The following PIGZ variants were observed in gnomAD, a reference collection of about 807,000 sequenced individuals.
PIGZ encodes phosphatidylinositol glycan anchor biosynthesis class Z (Gwada blood group).
A neutral mutation model predicts 16.4 loss-of-function variants in PIGZ; 16 were observed. That is an observed-to-expected ratio of 0.97 (90% CI 0.66 to 1.48). The LOEUF (loss-of-function observed/expected upper bound fraction) is 1.48, where lower values mean the gene tolerates loss of function less well. PIGZ is among the 40% of genes most tolerant of loss of function. PIGZ has a pLI of 0.00. For synonymous variants in PIGZ, 409 were observed against 338.4 expected, an observed-to-expected ratio of 1.21 and a Z score of -2.29; for missense variants, 770 against 739.2, an observed-to-expected ratio of 1.04 and a Z score of -0.48.
At chr3:196,959,620 A>T (rs1278054309) in intron 1 of PIGZ, among the ~76,000 whole-genome samples, 1 of 152,172 alleles carries the variant, frequency 6.6e-6, no homozygotes, top group Non-Finnish European at 1.5e-5. Context: ...CCCTCCTTCT[A>T]CTACTACCTT....
intron 1 of PIGZ, among the ~76,000 whole-genome samples, chr3:196,956,234 A>G (rs947765574): frequency 1.3e-5 from 2 of 152,184 alleles, no homozygotes; most frequent in Non-Finnish European, 2.9e-5. Flanking sequence ...TGCTGCTGAT[A>G]AAGACATACC....
Position 196,947,613 on chromosome 3 carries a change from G to C in PIGZ, c.1284C>G (p.Gly428=). 6.2e-7 allele frequency: 1 copy of C among 1,613,456 alleles called. No individual in the cohort carries two copies. Among genetic ancestry groups the C allele is most frequent in the Non-Finnish European group, 8.5e-7 (1 of 1,179,658 alleles). ...LFNALGALLF[G]CLHQGGLVPG... is the part of the protein sequence containing the mutation. ...GCACCAGGCCCCCCTGATGCAGGCA[G>C]CCGAAGAGGAGGGCACCGAGGGCGT... The change falls in exon 3 of 3, where the codon GGC becomes GGG. Residue 428 remains glycine, a synonymous_variant. Transcript: ENST00000412723.
At position 196,965,755 on chromosome 3, in the gene PIGZ, G is replaced by A. The variant is rs1355585594; in HGVS notation, c.-1+2932C>T. Among the ~76,000 whole-genome samples the A allele has an allele frequency of 1.3e-5, 2 of 152,096 alleles. No individual in the cohort carries two copies. The highest frequency in any genetic ancestry group is 2.9e-5 in the Non-Finnish European group (2 of 68,028). The stretch of plus-strand genomic sequence containing the variant: ...GGTTGGTTGTTTCTGTTTGCAAACA[G>A]CCCCCTCCTTTGTTAACCAGTGTGT... On this transcript the variant is annotated intron_variant, in intron 1 of 2. Coordinates refer to ENST00000412723, the MANE Select transcript of PIGZ (RefSeq NM_025163.4). The surrounding 1 kb of genome is among the most constrained non-coding windows in gnomAD (Gnocchi z 4.2).
In PIGZ at chr3:196,947,714, G is replaced by A; in HGVS notation, c.1183C>T (p.Leu395Phe). 1 of 1,613,272 alleles carries A rather than the reference G, an allele frequency of 6.2e-7. No individual in the cohort carries two copies. Among genetic ancestry groups the A allele is most frequent in the Non-Finnish European group, 8.5e-7 (1 of 1,179,602 alleles). The change falls in exon 3 of 3, where the codon CTC (leucine) becomes TTC (phenylalanine). Residue 395 changes from leucine to phenylalanine, a missense_variant. Leu to Phe is a conservative substitution (Grantham distance 22, BLOSUM62 0). Transcript: ENST00000412723. Reference sequence around the variant, plus strand: ...CAAAGCAGGACCAGGGGGACCAGGAGGGGAATCAGGAACCGAGCCTCCTGG... The same window carrying A: ...CAAAGCAGGACCAGGGGGACCAGGAAGGGAATCAGGAACCGAGCCTCCTGG... The part of the protein sequence containing the change: ...SHQEARFLIP[L>F]LVPLVLLCSP...
chr3:196,968,358 A>C (rs1718019168), intron 1 of PIGZ, among the ~76,000 whole-genome samples: 1 of 152,178 alleles, frequency 6.6e-6, no homozygotes, highest in South Asian at 2.1e-4. Flanking sequence ...CCTCTAGCAG[A>C]AGCAGATTCA....
chr3:196,963,606 T>C (rs1717806169), intron 1 of PIGZ, among the ~76,000 whole-genome samples: 1 of 152,248 alleles, frequency 6.6e-6, no homozygotes, highest in Non-Finnish European at 1.5e-5. Flanking sequence ...CTGCATCAAA[T>C]ACACCTTCCC....
rs759071868 is a variant in PIGZ at position 196,948,304 on chromosome 3, C to A, written c.593G>T (p.Trp198Leu). ...CGCCGGCTCCTTGCGTGTAGGGCCCCACGTTACATGGGAGGATACCAGCAC... is the reference window on the plus strand; with the variant it reads ...CGCCGGCTCCTTGCGTGTAGGGCCCAACGTTACATGGGAGGATACCAGCAC... ...LLVLVSSHVTWGPTRKEPAPG... is the reference protein window; with the variant it reads ...LLVLVSSHVTLGPTRKEPAPG... Residue 198 changes from tryptophan (W) to leucine (L), a missense_variant, in exon 3 of 3, where the codon TGG (tryptophan) becomes TTG (leucine). Trp to Leu is a moderately conservative substitution (Grantham distance 61). Transcript: ENST00000412723. 6.2e-7 allele frequency: 1 copy of A among 1,614,144 alleles called. No individual in the cohort carries two copies. Among genetic ancestry groups the A allele is most frequent in the South Asian group, 1.1e-5 (1 of 91,078 alleles).
intron 1 of PIGZ, among the ~76,000 whole-genome samples, chr3:196,958,587 C>T (rs961384539): frequency 1.3e-5 from 2 of 152,136 alleles, no homozygotes; most frequent in Admixed American, 6.5e-5. Context: ...GCCAAGATCG[C>T]GCCACTGCAC....
In PIGZ at chr3:196,965,909, G is replaced by A. The variant is rs935518830; in HGVS notation, c.-1+2778C>T. On this transcript the variant is annotated intron_variant, in intron 1 of 2. Coordinates refer to ENST00000412723, the MANE Select transcript of PIGZ (RefSeq NM_025163.4). This position sits in a 1 kb window ranked among gnomAD's most constrained non-coding sequence, Gnocchi z 4.2. The stretch of plus-strand genomic sequence containing the variant: ...TCACTGCATCCTTCCTTCTGACTGC[G>A]GCAGAGACAGGCCGAATCACTCCCC... Among the ~76,000 whole-genome samples, 8 of 152,210 alleles carry A rather than the reference G, an allele frequency of 5.3e-5. No individual in the cohort carries two copies. The highest frequency in any genetic ancestry group is 1.4e-4 in the African/African-American group (6 of 41,520).
At chr3:196,952,829 A>G (rs1454001247) in intron 1 of PIGZ, among the ~76,000 whole-genome samples, 1 of 152,124 alleles carries the variant, frequency 6.6e-6, no homozygotes, top group East Asian at 1.9e-4. Flanking sequence ...TAAAACAGAA[A>G]GGTGGAGGAA....
In PIGZ at chr3:196,947,615, C is replaced by G; in HGVS notation, c.1282G>C (p.Gly428Arg). The G allele has an allele frequency of 6.2e-7, 1 of 1,613,226 alleles. No individual in the cohort carries two copies. Among genetic ancestry groups the G allele is most frequent in the Non-Finnish European group, 8.5e-7 (1 of 1,179,530 alleles). Residue 428 changes from glycine to arginine, a missense_variant, in exon 3 of 3, where the codon GGC becomes CGC. Transcript: ENST00000412723. ...ACCAGGCCCCCCTGATGCAGGCAGC[C>G]GAAGAGGAGGGCACCGAGGGCGTTG... ...LFNALGALLF[G>R]CLHQGGLVPG...
intron 2 of PIGZ, 21 bp from the exon 3 acceptor site, chr3:196,948,706 G>C: frequency 7.0e-7 from 1 of 1,437,950 alleles, no homozygotes; most frequent in South Asian, 1.5e-5. Flanking sequence ...AGGCAGAGGT[G>C]AGCCAGTACC....
At chr3:196,964,533 T>C (rs1445809358) in intron 1 of PIGZ, among the ~76,000 whole-genome samples, 3 of 151,720 alleles carry the variant, frequency 2.0e-5, no homozygotes, top group African/African-American at 7.3e-5. Context: ...AATTTTTGTA[T>C]TTTTAGTAGA....
Position 196,951,894 on chromosome 3 carries a change from C to G in PIGZ, c.138G>C (p.Val46=). ...VLWGGLSLLR[V]LWCLLPQTGY... Reference sequence around the variant, plus strand: ...CCGTCTGCGGAAGGAGACACCACAGCACTCGGAGCAGGCTGAGACCACCCC... The same window carrying G: ...CCGTCTGCGGAAGGAGACACCACAGGACTCGGAGCAGGCTGAGACCACCCC... Residue 46 remains valine, a synonymous_variant, in exon 2 of 3, where the codon GTG becomes GTC. Transcript: ENST00000412723. 1 of 1,614,188 alleles carries G rather than the reference C, an allele frequency of 6.2e-7. No individual in the cohort carries two copies. Among genetic ancestry groups the G allele is most frequent in the South Asian group, 1.1e-5 (1 of 91,080 alleles).
rs759251329 is a variant in PIGZ at position 196,948,103 on chromosome 3, G to A, written c.794C>T (p.Ala265Val). Residue 265 changes from alanine (A) to valine (V), a missense_variant, in exon 3 of 3, where the codon GCA becomes GTA. Coordinates refer to ENST00000412723, the MANE Select transcript of PIGZ (RefSeq NM_025163.4). ...CACAAACACCGCTGCTGTGAGGGCTGCCCCAGGGAGCAGCACCAGGGCCTC... is the reference window on the plus strand; with the variant it reads ...CACAAACACCGCTGCTGTGAGGGCTACCCCAGGGAGCAGCACCAGGGCCTC... The part of the protein sequence containing the change: ...TREALVLLPG[A>V]ALTAAVFVAT... The A allele has an allele frequency of 8.4e-4, 1,329 of 1,588,494 alleles. 2 individuals carry two copies. The highest frequency in any genetic ancestry group is 1.0e-3 in the Non-Finnish European group (1,199 of 1,164,114).
chr3:196,951,716 C>A, intron 2 of PIGZ, 105 bp downstream of exon 2: 1 of 1,069,444 alleles, frequency 9.4e-7, no homozygotes, highest in South Asian at 1.4e-5. Context: ...TGTGGATTTA[C>A]TACTCATCTA....
intron 1 of PIGZ, among the ~76,000 whole-genome samples, chr3:196,964,265 G>T (rs1717837994): frequency 6.7e-6 from 1 of 148,318 alleles, no homozygotes; most frequent in Non-Finnish European, 1.5e-5. Flanking sequence ...TAGCCAGGAT[G>T]GTCTCGATCT....
chr3:196,965,917 C>G lies in PIGZ; in HGVS notation c.-1+2770G>C, dbSNP rs1717907666. Among the ~76,000 whole-genome samples the G allele has an allele frequency of 6.6e-6, 1 of 152,188 alleles. No homozygotes were observed. Among genetic ancestry groups the G allele is most frequent in the Non-Finnish European group, 1.5e-5 (1 of 68,030 alleles). On this transcript the variant is annotated intron_variant, in intron 1 of 2. Transcript: ENST00000412723. This position sits in a 1 kb window ranked among gnomAD's most constrained non-coding sequence, Gnocchi z 4.2. Reference sequence around the variant, plus strand: ...TCCTTCCTTCTGACTGCGGCAGAGACAGGCCGAATCACTCCCCTGTGAGAA... The same window carrying G: ...TCCTTCCTTCTGACTGCGGCAGAGAGAGGCCGAATCACTCCCCTGTGAGAA...
chr3:196,960,824 A>T (rs1479917189), intron 1 of PIGZ, among the ~76,000 whole-genome samples: 1 of 152,152 alleles, frequency 6.6e-6, no homozygotes, highest in Non-Finnish European at 1.5e-5. Context: ...TTTCAAGAAC[A>T]AGGACAAAAT....
Sources: gnomAD v4.1 joint callset for allele counts (sites outside exome capture counted in the v4.1 genomes callset) on GRCh38, gnomAD v4.1.1 for gene constraint, Gnocchi (gnomAD v3.1) non-coding constraint, MANE v1.5 for transcripts, NCBI Gene and HGNC (gene_info 2026-07-23, HGNC 2026-07-21) for gene names.